FGGY: variants seen among roughly 807,000 people sequenced by gnomAD.
The protein encoded by FGGY is FGGY carbohydrate kinase domain-containing protein.
FGGY carries 72 observed loss-of-function variants against 71.3 expected under a neutral mutation model. That is an observed-to-expected ratio of 1.01 (90% CI 0.84 to 1.23). The LOEUF (loss-of-function observed/expected upper bound fraction) is 1.23. Among genes scored for constraint, FGGY ranks in the 50% most tolerant of loss-of-function variants. The pLI is 0.00. For synonymous variants in FGGY, 251 were observed against 250.3 expected, an observed-to-expected ratio of 1.00 and a Z score of -0.02; for missense variants, 668 against 682.3, an observed-to-expected ratio of 0.98 and a Z score of 0.23.
intron 11 of FGGY, among the ~76,000 whole-genome samples, chr1:59,655,365 C>T (rs1375622706): frequency 6.6e-6 from 1 of 152,120 alleles, no homozygotes; most frequent in Non-Finnish European, 1.5e-5. Context: ...CACCTATCAA[C>T]CCGTCATCTA....
At chr1:59,549,796 A>G (rs2095580631) in intron 7 of FGGY, among the ~76,000 whole-genome samples, 1 of 152,234 alleles carries the variant, frequency 6.6e-6, no homozygotes, top group South Asian at 2.1e-4. Context: ...ACATAAATAT[A>G]GTAGGGACTC....
chr1:59,679,477 T>C (rs1558776983), intron 14 of FGGY, among the ~76,000 whole-genome samples: 1 of 152,174 alleles, frequency 6.6e-6, no homozygotes, highest in Non-Finnish European at 1.5e-5. Flanking sequence ...GTGCATTCAA[T>C]TTAGTTTACT....
At chr1:59,338,374 T>C (rs1476509497) in intron 2 of FGGY, among the ~76,000 whole-genome samples, 5 of 152,226 alleles carry the variant, frequency 3.3e-5, no homozygotes, top group African/African-American at 9.6e-5. Flanking sequence ...TGTTCCCTTC[T>C]TCACTGTATT....
At chr1:59,467,971 T>G (rs562580165) in intron 6 of FGGY, among the ~76,000 whole-genome samples, 2 of 152,208 alleles carry the variant, frequency 1.3e-5, no homozygotes, top group East Asian at 3.9e-4. Flanking sequence ...GGGCATAGTC[T>G]CGGCTCACTG....
At chr1:59,312,804 T>C (rs2044617592) in intron 1 of FGGY, among the ~76,000 whole-genome samples, 1 of 152,220 alleles carries the variant, frequency 6.6e-6, no homozygotes, top group African/African-American at 2.4e-5. Context: ...CCATTCAAGA[T>C]GGTTCACCAT....
intron 5 of FGGY, among the ~76,000 whole-genome samples, chr1:59,439,079 C>T (rs2069166566): frequency 6.6e-6 from 1 of 152,142 alleles, no homozygotes; most frequent in African/African-American, 2.4e-5. Flanking sequence ...TTCTTTGTCA[C>T]TTCATGGCAG....
intron 9 of FGGY, among the ~76,000 whole-genome samples, chr1:59,613,644 A>C (rs577365634): frequency 6.6e-6 from 1 of 152,134 alleles, no homozygotes; most frequent in Admixed American, 6.5e-5. Context: ...AAATAACTAA[A>C]ATCAGAGCAG....
intron 5 of FGGY, among the ~76,000 whole-genome samples, chr1:59,387,000 A>G (rs964284261): frequency 1.3e-5 from 2 of 152,072 alleles, no homozygotes; most frequent in African/African-American, 4.8e-5. Flanking sequence ...AGATGAATTC[A>G]TGGCTTTTAG....
intron 6 of FGGY, among the ~76,000 whole-genome samples, chr1:59,511,096 G>A (rs72915690): frequency 1.3e-5 from 2 of 152,160 alleles, no homozygotes; most frequent in African/African-American, 2.4e-5. Context: ...AGAGGTTTCA[G>A]TCTTACTCTT....
At chr1:59,564,904 T>C (rs546409882) in intron 8 of FGGY, among the ~76,000 whole-genome samples, 21 of 152,300 alleles carry the variant, frequency 1.4e-4, no homozygotes, top group South Asian at 6.2e-4. Flanking sequence ...TCAGATGGCC[T>C]GAGCCCAGTT....
At position 59,321,768 on chromosome 1, in the gene FGGY, G is replaced by A. The variant is rs2046428389; in HGVS notation, c.201+18G>A. The stretch of plus-strand genomic sequence containing the variant: ...TCACAAAGGTATGGGCAAAACTGGT[G>A]TTCTCTCCTTGTTCATATTCCTACC... On this transcript the variant is annotated intron_variant, in intron 2 of 15. Coordinates refer to ENST00000303721, the MANE Select transcript of FGGY (RefSeq NM_018291.5). 6.2e-7 allele frequency: 1 copy of A among 1,602,114 alleles called. No individual in the cohort carries two copies. Among genetic ancestry groups the A allele is most frequent in the African/African-American group, 1.3e-5 (1 of 74,732 alleles).
chr1:59,553,514 G>C (rs1180677760), intron 7 of FGGY, among the ~76,000 whole-genome samples: 1 of 152,250 alleles, frequency 6.6e-6, no homozygotes, highest in Non-Finnish European at 1.5e-5. Flanking sequence ...CTGTTACTAG[G>C]AACTCGCTCT....
chr1:59,529,224 A>C (rs957679187), intron 7 of FGGY, among the ~76,000 whole-genome samples: 2 of 152,244 alleles, frequency 1.3e-5, no homozygotes, highest in Non-Finnish European at 2.9e-5. Context: ...AGGAATTTTA[A>C]AAAGGGAAGA....
intron 12 of FGGY, among the ~76,000 whole-genome samples, chr1:59,666,810 T>A (rs754326898): frequency 3.9e-5 from 6 of 152,224 alleles, no homozygotes; most frequent in Non-Finnish European, 7.3e-5. Context: ...TCCATGATTC[T>A]GCTGCTGGAT....
intron 7 of FGGY, 99 bp from the exon 8 acceptor site, chr1:59,554,025 G>A: frequency 1.1e-6 from 1 of 927,506 alleles, no homozygotes; most frequent in South Asian, 1.7e-5. Flanking sequence ...CATGTTGTTT[G>A]ACTATTAAAA....
intron 8 of FGGY, among the ~76,000 whole-genome samples, chr1:59,578,563 G>A (rs535523376): frequency 1.9e-3 from 282 of 152,192 alleles, no homozygotes; most frequent in African/African-American, 6.5e-3. Flanking sequence ...TAGCCAAAAT[G>A]GGAGTTTTAA....
At chr1:59,727,080 C>T (rs775853235) in intron 14 of FGGY, among the ~76,000 whole-genome samples, 1 of 152,092 alleles carries the variant, frequency 6.6e-6, no homozygotes, top group Non-Finnish European at 1.5e-5. Context: ...GTCTCTTGTT[C>T]CCATGTTTAT....
At chr1:59,454,939 A>G (rs2091538381) in intron 5 of FGGY, among the ~76,000 whole-genome samples, 1 of 152,240 alleles carries the variant, frequency 6.6e-6, no homozygotes, top group Admixed American at 6.5e-5. Context: ...AATGAGATAC[A>G]TCTAGACTAT....
intron 8 of FGGY, among the ~76,000 whole-genome samples, chr1:59,587,311 C>T (rs1444237286): frequency 6.6e-6 from 1 of 152,040 alleles, no homozygotes; most frequent in African/African-American, 2.4e-5. Flanking sequence ...CTGGGTGGAG[C>T]CCACCACAGC....
Sources: allele counts gnomAD v4.1 joint callset (sites outside exome capture counted in the v4.1 genomes callset), GRCh38; gene constraint gnomAD v4.1.1; transcripts MANE v1.5; gene names NCBI Gene and HGNC (gene_info 2026-07-23, HGNC 2026-07-21).